Variants in FILIP1L observed in about 807,000 individuals in gnomAD.
FILIP1L encodes filamin A interacting protein 1 like, also known as filamin A-interacting protein 1-like.
In FILIP1L, 55 loss-of-function variants were observed where a neutral mutation model predicts 96.6. That is an observed-to-expected ratio of 0.57 (90% CI 0.46 to 0.71). FILIP1L has a LOEUF of 0.71. FILIP1L is among the 30% of genes least tolerant of loss of function. The probability of loss-of-function intolerance (pLI) is 0.00; values close to 1 mark genes in which losing one functional copy is unlikely to be tolerated. For synonymous variants in FILIP1L, 467 were observed against 473.9 expected (o/e 0.99, Z 0.19); for missense variants, 1,304 against 1,321.2 (o/e 0.99, Z 0.20).
At chr3:100,112,256 G>T (rs2066504796) in intron 1 of FILIP1L, among the ~76,000 whole-genome samples, 1 of 152,098 alleles carries the variant, frequency 6.6e-6, no homozygotes, top group African/African-American at 2.4e-5. Context: ...TATTACATTG[G>T]TAATGAAAAT....
chr3:99,963,722 T>G (rs556416870), intron 1 of FILIP1L, among the ~76,000 whole-genome samples: 1 of 152,176 alleles, frequency 6.6e-6, no homozygotes, highest in East Asian at 1.9e-4. Context: ...GTTCGAGCAA[T>G]TCTCCTGTCT....
chr3:99,977,185 A>G (rs1331953816), intron 1 of FILIP1L, among the ~76,000 whole-genome samples: 2 of 152,226 alleles, frequency 1.3e-5, no homozygotes, highest in Admixed American at 1.3e-4. Flanking sequence ...TAAGAGGCAT[A>G]AGGCTGGAGG....
At chr3:100,001,496 G>A (rs1018718234) in intron 1 of FILIP1L, among the ~76,000 whole-genome samples, 1 of 152,198 alleles carries the variant, frequency 6.6e-6, no homozygotes, top group African/African-American at 2.4e-5. Flanking sequence ...CCCAGTTTAT[G>A]AGAATGTATT....
intron 1 of FILIP1L, among the ~76,000 whole-genome samples, chr3:99,968,198 C>T (rs1207239156): frequency 6.6e-6 from 1 of 152,116 alleles, no homozygotes; most frequent in Non-Finnish European, 1.5e-5. Context: ...TTGAAAAGAA[C>T]ATGGGAAGGG....
At chr3:99,904,933 G>A (rs1331313996) in intron 4 of FILIP1L, among the ~76,000 whole-genome samples, 2 of 152,072 alleles carry the variant, frequency 1.3e-5, no homozygotes, top group Admixed American at 6.5e-5. Flanking sequence ...TTGGGTCCTT[G>A]AAGTCAGGTT....
intron 5 of FILIP1L, among the ~76,000 whole-genome samples, chr3:99,845,855 C>T (rs928595525): frequency 2.6e-5 from 4 of 152,046 alleles, no homozygotes; most frequent in African/African-American, 9.7e-5. Context: ...AGGAATCCTC[C>T]CAGTAGAGGT....
At chr3:99,993,554 C>T (rs1709586341) in intron 1 of FILIP1L, among the ~76,000 whole-genome samples, 1 of 152,012 alleles carries the variant, frequency 6.6e-6, no homozygotes, top group Admixed American at 6.5e-5. Flanking sequence ...TGTCTTGTTC[C>T]AGTTCTTAGA....
At position 100,102,597 on chromosome 3, in the gene FILIP1L, T is replaced by C. The variant is rs551766743; in HGVS notation, c.-11+11456A>G. On this transcript the variant is annotated intron_variant, in intron 1 of 5. Transcript: ENST00000477258. ...ATTTTTTGTGTTTTTCCTACTTCCA[T>C]TACTAAACTATTAATTCTTTGAAGG... Among the ~76,000 whole-genome samples the C allele has an allele frequency of 3.3e-5, 5 of 152,336 alleles. No individual in the cohort carries two copies. In the East Asian group the frequency reaches 9.6e-4, roughly 29 times the overall value.
chr3:99,897,498 A>G (rs755298733), intron 4 of FILIP1L, among the ~76,000 whole-genome samples: 22 of 152,210 alleles, frequency 1.4e-4, no homozygotes, highest in Non-Finnish European at 8.8e-5. Context: ...TTTGCCTGAC[A>G]CCAAATTTTG....
At chr3:99,910,863 A>G (rs936451964) in intron 4 of FILIP1L, among the ~76,000 whole-genome samples, 1 of 152,200 alleles carries the variant, frequency 6.6e-6, no homozygotes, top group Non-Finnish European at 1.5e-5. Context: ...CTTGGGCCCA[A>G]ACTCAAACAA....
At chr3:99,918,470 A>G (rs1362185878) in intron 4 of FILIP1L, among the ~76,000 whole-genome samples, 1 of 152,206 alleles carries the variant, frequency 6.6e-6, no homozygotes, top group African/African-American at 2.4e-5. Flanking sequence ...ACTATCATGT[A>G]TGTTCAAATA....
In FILIP1L at chr3:99,869,772, A is replaced by G. The variant is rs568159247; in HGVS notation, c.606-18702T>C. ...GATTTGTTTTTGTTTTGATTCACAT[A>G]AAAAAGCATTTTAAAAAGAAAGAGA... On this transcript the variant is annotated intron_variant, in intron 4 of 5. Transcript: ENST00000477258. Among the ~76,000 whole-genome samples, 3 of 152,336 alleles carry G rather than the reference A, an allele frequency of 2.0e-5. No individual in the cohort carries two copies. In the East Asian group the frequency reaches 5.8e-4, roughly 29 times the overall value.
chr3:99,980,141 G>A (rs879126121), intron 1 of FILIP1L, among the ~76,000 whole-genome samples: 1 of 152,154 alleles, frequency 6.6e-6, no homozygotes, highest in Admixed American at 6.5e-5. Flanking sequence ...AGTGAGACAT[G>A]CAGTAGTACC....
chr3:99,983,560 G>A (rs1709236532), intron 1 of FILIP1L, among the ~76,000 whole-genome samples: 1 of 141,666 alleles, frequency 7.1e-6, no homozygotes, highest in Non-Finnish European at 1.5e-5. Flanking sequence ...TGTGGTGGCA[G>A]GTACCTGTAA....
At chr3:99,924,982 T>G (rs1008533778) in intron 3 of FILIP1L, among the ~76,000 whole-genome samples, 1 of 152,182 alleles carries the variant, frequency 6.6e-6, no homozygotes, top group Non-Finnish European at 1.5e-5. Context: ...CATAACCTCT[T>G]TCTGACACTC....
intron 1 of FILIP1L, among the ~76,000 whole-genome samples, chr3:100,063,974 T>C (rs2065617316): frequency 6.6e-6 from 1 of 152,224 alleles, no homozygotes; most frequent in Admixed American, 6.5e-5. Flanking sequence ...TTGGTGCCAG[T>C]ACTGAATGTT....
chr3:99,900,943 G>C (rs1423099907), intron 4 of FILIP1L, among the ~76,000 whole-genome samples: 1 of 152,196 alleles, frequency 6.6e-6, no homozygotes, highest in Non-Finnish European at 1.5e-5. Flanking sequence ...GGGGCATGAT[G>C]GTAGTAGGAT....
chr3:100,041,253 T>C (rs575928918), intron 1 of FILIP1L: 1 of 152,298 alleles, frequency 6.6e-6, no homozygotes, highest in South Asian at 2.1e-4. Context: ...CAAGTTAATT[T>C]TGAGAATGGC....
chr3:99,859,216 G>A (rs1399187587), intron 4 of FILIP1L, among the ~76,000 whole-genome samples: 4 of 152,252 alleles, frequency 2.6e-5, no homozygotes, highest in Non-Finnish European at 5.9e-5. Context: ...AGACCTTGAT[G>A]AGACAAATAC....
Sources: allele counts gnomAD v4.1 joint callset (sites outside exome capture counted in the v4.1 genomes callset), GRCh38; gene constraint gnomAD v4.1.1; transcripts MANE v1.5; gene names NCBI Gene and HGNC (gene_info 2026-07-23, HGNC 2026-07-21).